Variants in KCNIP4 observed in about 807,000 individuals in gnomAD.
The protein encoded by KCNIP4 is potassium voltage-gated channel interacting protein 4, also known as Kv channel-interacting protein 4.
A neutral mutation model predicts 34.0 loss-of-function variants in KCNIP4; 12 were observed. That is an observed-to-expected ratio of 0.35 (90% CI 0.23 to 0.57). The LOEUF (loss-of-function observed/expected upper bound fraction) is 0.57. KCNIP4 is among the 20% of genes least tolerant of loss of function. The pLI is 0.83. For missense variants in KCNIP4, 238 were observed against 311.7 expected (o/e 0.76, Z 1.78); for synonymous variants, 124 against 102.2 (o/e 1.21, Z -1.29).
chr4:21,396,715 G>C (rs1407837641), intron 1 of KCNIP4, among the ~76,000 whole-genome samples: 2 of 152,044 alleles, frequency 1.3e-5, no homozygotes, highest in African/African-American at 4.8e-5. Context: ...ACAACAGCAA[G>C]GGGGTCAGAG....
chr4:21,401,322 G>A (rs923048962), intron 1 of KCNIP4, among the ~76,000 whole-genome samples: 3 of 152,116 alleles, frequency 2.0e-5, no homozygotes, highest in African/African-American at 7.2e-5. Context: ...TCTCAAATAA[G>A]GAAAAACATG....
At chr4:20,953,493 G>C (rs1560597195) in intron 1 of KCNIP4, among the ~76,000 whole-genome samples, 1 of 151,988 alleles carries the variant, frequency 6.6e-6, no homozygotes, top group Non-Finnish European at 1.5e-5. Flanking sequence ...ACTAGCCTGG[G>C]TAACATGGTG....
chr4:21,414,741 T>C (rs891392258), intron 1 of KCNIP4, among the ~76,000 whole-genome samples: 1 of 152,218 alleles, frequency 6.6e-6, no homozygotes. Flanking sequence ...GGAATATTAT[T>C]GAATCTTTAA....
At chr4:21,683,002 C>T (rs1750499177) in intron 1 of KCNIP4, among the ~76,000 whole-genome samples, 1 of 152,122 alleles carries the variant, frequency 6.6e-6, no homozygotes, top group South Asian at 2.1e-4. Flanking sequence ...AAGAATGGCG[C>T]TGATAGTATT....
At chr4:21,472,501 C>A (rs1446813514) in intron 1 of KCNIP4, among the ~76,000 whole-genome samples, 1 of 152,082 alleles carries the variant, frequency 6.6e-6, no homozygotes, top group African/African-American at 2.4e-5. Flanking sequence ...TTCATTTCTT[C>A]TCTTAGATTA....
intron 1 of KCNIP4, among the ~76,000 whole-genome samples, chr4:21,326,866 ATTATT>A (rs1161192918): frequency 6.6e-6 from 1 of 151,984 alleles, no homozygotes; most frequent in African/African-American, 2.4e-5. Flanking sequence ...CTTATAACCT[ATTATT>A]TTAAACTGTT....
intron 1 of KCNIP4, among the ~76,000 whole-genome samples, chr4:21,599,864 C>A (rs1742960507): frequency 6.6e-6 from 1 of 151,862 alleles, no homozygotes; most frequent in African/African-American, 2.4e-5. Flanking sequence ...TGGAGGCAGG[C>A]CCAAAGGAAG....
At chr4:21,125,756 A>G (rs1208092543) in intron 1 of KCNIP4, among the ~76,000 whole-genome samples, 1 of 152,154 alleles carries the variant, frequency 6.6e-6, no homozygotes, top group African/African-American at 2.4e-5. Flanking sequence ...CTCCAACATA[A>G]TAGTTTGTTC....
chr4:20,922,020 A>C (rs1729433497), intron 1 of KCNIP4, among the ~76,000 whole-genome samples: 1 of 152,224 alleles, frequency 6.6e-6, no homozygotes, highest in African/African-American at 2.4e-5. Context: ...AGATGATGTG[A>C]GCAAAAATAA....
At chr4:21,156,366 G>GA in intron 1 of KCNIP4, among the ~76,000 whole-genome samples, 1 of 152,294 alleles carries the variant, frequency 6.6e-6, no homozygotes, top group East Asian at 1.9e-4. Flanking sequence ...AAATGGTTAT[G>GA]AAAGTGCAAG....
chr4:21,027,632 T>C (rs1191170002), intron 1 of KCNIP4, among the ~76,000 whole-genome samples: 3 of 150,720 alleles, frequency 2.0e-5, no homozygotes, highest in African/African-American at 4.9e-5. Context: ...TTCTTGTCTT[T>C]GTCACCAAAT....
At chr4:21,891,348 T>C (rs921049960) in intron 1 of KCNIP4, among the ~76,000 whole-genome samples, 1 of 152,106 alleles carries the variant, frequency 6.6e-6, no homozygotes, top group Non-Finnish European at 1.5e-5. Context: ...TATTTAAGTA[T>C]TGCTTAGTAC....
intron 1 of KCNIP4, among the ~76,000 whole-genome samples, chr4:20,914,566 T>C (rs1728627464): frequency 6.6e-6 from 1 of 152,198 alleles, no homozygotes; most frequent in African/African-American, 2.4e-5. Flanking sequence ...TATTTTATTA[T>C]ATAGCTGCCC....
intron 1 of KCNIP4, among the ~76,000 whole-genome samples, chr4:21,128,889 G>A (rs775242077): frequency 1.1e-4 from 16 of 152,246 alleles, no homozygotes; most frequent in Middle Eastern, 3.4e-3. Context: ...GGAGCCAGGC[G>A]CTTACCATTC....
At chr4:21,576,043 GT>G (rs1157601018) in intron 1 of KCNIP4, among the ~76,000 whole-genome samples, 1 of 152,146 alleles carries the variant, frequency 6.6e-6, no homozygotes, top group Non-Finnish European at 1.5e-5. Context: ...AAACTATTTG[GT>G]TAAACAACTG....
At chr4:20,872,742 T>C (rs1196446683) in intron 2 of KCNIP4, among the ~76,000 whole-genome samples, 2 of 152,138 alleles carry the variant, frequency 1.3e-5, no homozygotes, top group Admixed American at 6.6e-5. Context: ...TAAGTAGTCA[T>C]CATTCTACCC....
intron 1 of KCNIP4, among the ~76,000 whole-genome samples, chr4:21,217,866 T>C (rs1757700755): frequency 6.6e-6 from 1 of 152,038 alleles, no homozygotes; most frequent in Non-Finnish European, 1.5e-5. Flanking sequence ...GTATAGCCCA[T>C]GAGAGAAAAG....
chr4:21,501,248 T>TCTCACACACACACA (rs764571152), intron 1 of KCNIP4, among the ~76,000 whole-genome samples: 5 of 104,292 alleles, frequency 4.8e-5, no homozygotes, highest in East Asian at 6.8e-4. Context: ...TCTCTCTCTC[T>TCTCACACACACACA]CACACACACA....
intron 1 of KCNIP4, among the ~76,000 whole-genome samples, chr4:20,923,560 G>A (rs1164019310): frequency 6.6e-6 from 1 of 151,956 alleles, no homozygotes; most frequent in Non-Finnish European, 1.5e-5. Flanking sequence ...CTTTAGTGTG[G>A]GACAGTCTCA....
Sources: gnomAD v4.1 joint callset for allele counts (sites outside exome capture counted in the v4.1 genomes callset) on GRCh38, gnomAD v4.1.1 for gene constraint, MANE v1.5 for transcripts, NCBI Gene and HGNC (gene_info 2026-07-23, HGNC 2026-07-21) for gene names.